Variants in EDIL3 observed in about 807,000 individuals in gnomAD.
EDIL3 encodes EGF-like repeat and discoidin I-like domain-containing protein 3.
Under a neutral mutation model 67.4 loss-of-function variants are expected in EDIL3, and 37 were observed. That is an observed-to-expected ratio of 0.55 (90% CI 0.42 to 0.72). The LOEUF (loss-of-function observed/expected upper bound fraction) is 0.72, where lower values mean the gene tolerates loss of function less well. EDIL3 is among the 30% of genes least tolerant of loss of function. EDIL3 has a pLI of 0.00. For missense variants in EDIL3, 527 were observed against 586.3 expected (o/e 0.90, Z 1.04); for synonymous variants, 195 against 196.3 (o/e 0.99, Z 0.05).
intron 1 of EDIL3, among the ~76,000 whole-genome samples, chr5:84,257,136 C>A (rs1745136415): frequency 6.6e-6 from 1 of 152,176 alleles, no homozygotes; most frequent in African/African-American, 2.4e-5. Flanking sequence ...GAGGTTCTTT[C>A]AATTATCCCA....
At chr5:84,204,518 T>A (rs1743916735) in intron 3 of EDIL3, among the ~76,000 whole-genome samples, 1 of 152,152 alleles carries the variant, frequency 6.6e-6, no homozygotes, top group Non-Finnish European at 1.5e-5. Flanking sequence ...TTTCATTTTT[T>A]AAAAATTGTA....
At position 83,942,082 on chromosome 5, in the gene EDIL3, AT is replaced by A. The variant is rs1047732274; in HGVS notation, c.*1336del. ...AATAATTCTGTCTAAGCCTTATAAA[AT>A]AAATACTTGTAAAGCTTATAAATTA... On this transcript the variant is annotated 3_prime_UTR_variant, in exon 11 of 11. Coordinates refer to ENST00000296591, the MANE Select transcript of EDIL3 (RefSeq NM_005711.5). 2 of 152,186 alleles carry A rather than the reference AT, an allele frequency of 1.3e-5. No homozygotes were observed. The highest frequency in any genetic ancestry group is 6.6e-5 in the Admixed American group (1 of 15,262). 9.4% of individuals were successfully genotyped at this position (152,186 alleles called of 1,614,324 possible). A position where few individuals can be genotyped will look rare whatever the true frequency, so the allele number is the denominator to read the frequency against.
At chr5:84,000,196 A>G (rs1315453823) in intron 9 of EDIL3, among the ~76,000 whole-genome samples, 1 of 152,146 alleles carries the variant, frequency 6.6e-6, no homozygotes, top group Non-Finnish European at 1.5e-5. Flanking sequence ...GCAACAAGAA[A>G]TCATCTGAAG....
intron 9 of EDIL3, among the ~76,000 whole-genome samples, chr5:83,971,761 C>G (rs1474241023): frequency 1.3e-5 from 2 of 151,938 alleles, no homozygotes; most frequent in Non-Finnish European, 2.9e-5. Flanking sequence ...CTCTTTGTCC[C>G]TTACCATCTA....
At chr5:84,380,740 T>G (rs552698854) in intron 1 of EDIL3, among the ~76,000 whole-genome samples, 8 of 152,136 alleles carry the variant, frequency 5.3e-5, no homozygotes, top group African/African-American at 1.9e-4. Context: ...ATTAAAACTT[T>G]ATCTTGAAAT....
chr5:84,169,978 A>C (rs1036596463), intron 4 of EDIL3, among the ~76,000 whole-genome samples: 1 of 152,162 alleles, frequency 6.6e-6, no homozygotes, highest in Non-Finnish European at 1.5e-5. Context: ...CCATTAATGA[A>C]GTTCTATGAC....
At chr5:84,159,979 GTGT>G (rs1444591510) in intron 4 of EDIL3, among the ~76,000 whole-genome samples, 1 of 152,026 alleles carries the variant, frequency 6.6e-6, no homozygotes, top group African/African-American at 2.4e-5. Flanking sequence ...CTCACCGCTT[GTGT>G]TGTTGGCATT....
chr5:84,066,819 A>G (rs917183591), intron 6 of EDIL3, among the ~76,000 whole-genome samples: 2 of 152,212 alleles, frequency 1.3e-5, no homozygotes, highest in African/African-American at 2.4e-5. Context: ...GTAAACAAAT[A>G]TTTGTGAACA....
intron 9 of EDIL3, among the ~76,000 whole-genome samples, chr5:84,014,323 G>A (rs1745563651): frequency 6.6e-6 from 1 of 152,146 alleles, no homozygotes; most frequent in Non-Finnish European, 1.5e-5. Flanking sequence ...TGTTGTATCA[G>A]TTGTATAGGA....
rs114212958 is a variant in EDIL3 at position 84,116,853 on chromosome 5, A to C, written c.470-10023T>G. 6.5e-3 allele frequency among the ~76,000 whole-genome samples: 997 copies of C among 152,244 alleles called. 5 individuals are homozygous for C. The highest frequency in any genetic ancestry group is 0.011 in the Non-Finnish European group (715 of 67,990). On this transcript the variant is annotated intron_variant, in intron 5 of 10. Transcript: ENST00000296591. ...CCTGTTGAAGCTAAGCCAGCTTTTC[A>C]TACATTATCTCTTATTCAGTAGAGA...
chr5:83,985,987 G>A (rs1001740319), intron 9 of EDIL3, among the ~76,000 whole-genome samples: 8 of 151,912 alleles, frequency 5.3e-5, no homozygotes, highest in East Asian at 1.9e-4. Context: ...TTCCTATTAC[G>A]AAGTACAGGG....
chr5:84,287,005 C>T (rs1217099028), intron 1 of EDIL3, among the ~76,000 whole-genome samples: 2 of 152,126 alleles, frequency 1.3e-5, no homozygotes, highest in South Asian at 2.1e-4. Flanking sequence ...TATTGGTGCT[C>T]TTCTAAAAAC....
intron 9 of EDIL3, among the ~76,000 whole-genome samples, chr5:84,048,424 T>C (rs73134240): frequency 0.057 from 8,730 of 152,142 alleles, 846 homozygotes; most frequent in African/African-American, 0.2. Context: ...TGATTTCTTA[T>C]ACATTTTCAC....
At chr5:84,368,824 G>A (rs1051499100) in intron 1 of EDIL3, among the ~76,000 whole-genome samples, 7 of 152,002 alleles carry the variant, frequency 4.6e-5, no homozygotes, top group African/African-American at 1.7e-4. Context: ...TTGAACAGAT[G>A]TTTTCCCATA....
At chr5:84,209,748 CAG>C (rs1020848801) in intron 3 of EDIL3, among the ~76,000 whole-genome samples, 3 of 152,114 alleles carry the variant, frequency 2.0e-5, no homozygotes, top group Non-Finnish European at 4.4e-5. Context: ...CACTGAGCAA[CAG>C]AGACACACGA....
intron 2 of EDIL3, 143 bp from the exon 3 acceptor site, chr5:84,230,027 T>TCAGG: frequency 1.4e-6 from 1 of 692,778 alleles, no homozygotes; most frequent in Non-Finnish European, 2.3e-6. Context: ...TACAAGCCCC[T>TCAGG]GACTTGTAAT....
At chr5:84,373,134 C>T (rs570081469) in intron 1 of EDIL3, among the ~76,000 whole-genome samples, 1 of 152,250 alleles carries the variant, frequency 6.6e-6, no homozygotes, top group Admixed American at 6.5e-5. Flanking sequence ...CTTTGCTCCT[C>T]TACCATTCCT....
chr5:84,289,765 A>G (rs1387545157), intron 1 of EDIL3, among the ~76,000 whole-genome samples: 3 of 152,036 alleles, frequency 2.0e-5, no homozygotes, highest in African/African-American at 7.2e-5. Flanking sequence ...TCTTTCTCAC[A>G]TTATTTGTTT....
intron 9 of EDIL3, among the ~76,000 whole-genome samples, chr5:84,034,381 T>G (rs1745981364): frequency 6.6e-6 from 1 of 152,194 alleles, no homozygotes; most frequent in Admixed American, 6.5e-5. Context: ...TTTTTTTATT[T>G]TGTCCACATT....
Sources: gnomAD v4.1 joint callset for allele counts (sites outside exome capture counted in the v4.1 genomes callset) on GRCh38, gnomAD v4.1.1 for gene constraint, MANE v1.5 for transcripts, NCBI Gene and HGNC (gene_info 2026-07-23, HGNC 2026-07-21) for gene names.